TPTE: variants seen among roughly 807,000 people sequenced by gnomAD.
The protein encoded by TPTE is transmembrane phosphatase with tensin homology, also known as putative tyrosine-protein phosphatase TPTE.
TPTE carries 59 observed loss-of-function variants against 84.1 expected under a neutral mutation model. That is an observed-to-expected ratio of 0.70 (90% CI 0.57 to 0.87). The LOEUF is 0.87. TPTE is among the 40% of genes least tolerant of loss of function. The pLI, the probability that TPTE is intolerant of heterozygous loss-of-function variation, is 0.00. For synonymous variants in TPTE, 130 were observed against 223.5 expected (o/e 0.58, Z 3.73); for missense variants, 382 against 659.6 (o/e 0.58, Z 4.61).
chr21:10,600,914 A>G (rs1400588934), intron 21 of TPTE, among the ~76,000 whole-genome samples: 1 of 152,310 alleles, frequency 6.6e-6, no homozygotes, highest in Non-Finnish European at 1.5e-5. Flanking sequence ...GAGTTCTGAT[A>G]AAACATGATG....
At chr21:10,581,371 G>A (rs2145742575) in intron 17 of TPTE, among the ~76,000 whole-genome samples, 1 of 152,426 alleles carries the variant, frequency 6.6e-6, no homozygotes, top group East Asian at 1.9e-4. Context: ...CTTGCTTGAA[G>A]GAAAACAATC....
At chr21:10,530,677 T>G (rs1238945264) in intron 3 of TPTE, among the ~76,000 whole-genome samples, 1 of 152,308 alleles carries the variant, frequency 6.6e-6, no homozygotes, top group African/African-American at 2.4e-5. Context: ...TGTAGGAATA[T>G]GAAACAGGAC....
chr21:10,605,316 A>C, intron 23 of TPTE, 101 bp from the exon 24 acceptor site: 1 of 1,447,214 alleles, frequency 6.9e-7, no homozygotes, highest in African/African-American at 1.4e-5. Flanking sequence ...ATTCATGGTG[A>C]GGTTCTTTTT....
At chr21:10,523,886 A>G (rs1001464745) in intron 1 of TPTE, among the ~76,000 whole-genome samples, 9 of 152,308 alleles carry the variant, frequency 5.9e-5, no homozygotes, top group African/African-American at 9.6e-5. Flanking sequence ...GACTTCCACC[A>G]TGGTTGAACT....
chr21:10,545,823 A>G (rs2074456380), intron 7 of TPTE, among the ~76,000 whole-genome samples: 1 of 151,788 alleles, frequency 6.6e-6, no homozygotes, highest in East Asian at 1.9e-4. Flanking sequence ...ATATATATCT[A>G]TATATACATA....
chr21:10,525,638 T>C (rs2074064702), intron 2 of TPTE, among the ~76,000 whole-genome samples: 1 of 152,308 alleles, frequency 6.6e-6, no homozygotes, highest in Non-Finnish European at 1.5e-5. Context: ...AACTCAAACT[T>C]CTGTGGTTGC....
intron 2 of TPTE, among the ~76,000 whole-genome samples, chr21:10,526,486 G>A (rs2074081071): frequency 6.6e-6 from 1 of 152,310 alleles, no homozygotes; most frequent in East Asian, 1.9e-4. Flanking sequence ...AGGTTCTGTG[G>A]TCAAATAGGT....
intron 14 of TPTE, among the ~76,000 whole-genome samples, chr21:10,572,020 AT>A (rs2075053673): frequency 6.6e-6 from 1 of 152,114 alleles, no homozygotes; most frequent in African/African-American, 2.4e-5. Flanking sequence ...AAAAAAAAAA[AT>A]ACAATCAAGA....
At chr21:10,525,942 T>G (rs1435728947) in intron 2 of TPTE, among the ~76,000 whole-genome samples, 4 of 152,306 alleles carry the variant, frequency 2.6e-5, no homozygotes, top group Non-Finnish European at 5.9e-5. Context: ...GTAATTTGAG[T>G]GTCTTCCAGT....
intron 8 of TPTE, among the ~76,000 whole-genome samples, chr21:10,556,902 C>T (rs1414332324): frequency 2.0e-5 from 3 of 152,238 alleles, no homozygotes; most frequent in Non-Finnish European, 4.4e-5. Context: ...TGATTTTTTT[C>T]TTGTAAATTT....
At chr21:10,558,511 C>T (rs112934378) in intron 8 of TPTE, among the ~76,000 whole-genome samples, 3,641 of 150,750 alleles carry the variant, frequency 0.024, 1 homozygote, top group African/African-American at 0.087. Flanking sequence ...TGATATTGAG[C>T]TTTTCTTCAT....
At chr21:10,562,180 G>T (rs1192603737) in intron 10 of TPTE, among the ~76,000 whole-genome samples, 1 of 152,312 alleles carries the variant, frequency 6.6e-6, no homozygotes, top group African/African-American at 2.4e-5. Context: ...AGTTTAGGAG[G>T]CTTGGGGTGC....
intron 7 of TPTE, among the ~76,000 whole-genome samples, chr21:10,549,313 A>G (rs1328015831): frequency 6.6e-6 from 1 of 152,306 alleles, no homozygotes. Flanking sequence ...GCAACCATGA[A>G]AATGCAAGAA....
At chr21:10,535,357 A>G (rs561140148) in intron 3 of TPTE, among the ~76,000 whole-genome samples, 519 of 152,176 alleles carry the variant, frequency 3.4e-3, no homozygotes, top group African/African-American at 0.012. Context: ...ACATACACAC[A>G]CAGAAACATA....
At position 10,603,638 on chromosome 21, in the gene TPTE, A is replaced by T. The variant is rs1978887070; in HGVS notation, c.1520+6A>T. 1 of 1,610,760 alleles carries T rather than the reference A, an allele frequency of 6.2e-7. No homozygotes were observed. The highest frequency in any genetic ancestry group is 8.5e-7 in the Non-Finnish European group (1 of 1,177,624). ...TCTTTTATTGAAAATAACAGGTATG[A>T]ATATAATAGAAACCCATAGAAACAG... On this transcript the variant is annotated splice_donor_region_variant and intron_variant, in intron 23 of 23. Transcript: ENST00000618007.
At chr21:10,566,006 A>T (rs1410780249) in intron 10 of TPTE, among the ~76,000 whole-genome samples, 1 of 152,310 alleles carries the variant, frequency 6.6e-6, no homozygotes, top group African/African-American at 2.4e-5. Context: ...AAATGGGCAA[A>T]TGGGATCACA....
chr21:10,548,677 T>G (rs1216299607), intron 7 of TPTE, among the ~76,000 whole-genome samples: 1 of 152,308 alleles, frequency 6.6e-6, no homozygotes, highest in Non-Finnish European at 1.5e-5. Context: ...CAAAGATACC[T>G]TCAGTCCAGC....
intron 14 of TPTE, chr21:10,576,702 C>G (rs1447302227): frequency 6.6e-6 from 1 of 152,328 alleles, no homozygotes; most frequent in Non-Finnish European, 1.5e-5. Context: ...TTTGTTGTTG[C>G]ACAGAGATAT....
rs1979229201 is a variant in TPTE, at chr21:10,605,692, A to G, written c.*140A>G. On this transcript the variant is annotated 3_prime_UTR_variant, in exon 24 of 24. Transcript: ENST00000618007. ...ATATGTTTATATATGTTCTTCATAAATCTATTACATATATATAGATAAAAT... is the reference window on the plus strand; with the variant it reads ...ATATGTTTATATATGTTCTTCATAAGTCTATTACATATATATAGATAAAAT... 5.7e-6 allele frequency: 8 copies of G among 1,411,114 alleles called. No individual in the cohort carries two copies. Among genetic ancestry groups the G allele is most frequent in the Non-Finnish European group, 7.6e-6 (8 of 1,058,808 alleles). 87.4% of individuals were successfully genotyped at this position (1,411,114 alleles called of 1,614,324 possible). A position where few individuals can be genotyped will look rare whatever the true frequency, so the allele number is the denominator to read the frequency against.
Sources: gnomAD v4.1 joint callset for allele counts (sites outside exome capture counted in the v4.1 genomes callset) on GRCh38, gnomAD v4.1.1 for gene constraint, MANE v1.5 for transcripts, NCBI Gene and HGNC (gene_info 2026-07-23, HGNC 2026-07-21) for gene names.